AK4: variants seen among roughly 807,000 people sequenced by gnomAD.
The protein encoded by AK4 is adenylate kinase 4, mitochondrial.
A neutral mutation model predicts 24.6 loss-of-function variants in AK4; 13 were observed. The ratio of observed to expected loss-of-function variants is 0.53; its 90% CI spans 0.34 to 0.84. The LOEUF is 0.84. Among genes scored for constraint, AK4 ranks in the 40% least tolerant of loss-of-function variants. AK4 has a pLI of 0.01. For synonymous variants in AK4, 88 were observed against 107.0 expected, an observed-to-expected ratio of 0.82 and a Z score of 1.10; for missense variants, 192 against 288.2, an observed-to-expected ratio of 0.67 and a Z score of 2.42.
intron 1 of AK4, among the ~76,000 whole-genome samples, chr1:65,150,847 C>T (rs1055030721): frequency 3.9e-5 from 6 of 152,210 alleles, no homozygotes; most frequent in Non-Finnish European, 7.3e-5. Flanking sequence ...TTTCCTCCTC[C>T]TGCAGCCTGG....
rs1652508535 is a variant in AK4, at chr1:65,227,701, A to G, written c.*1524A>G. 6.7e-6 allele frequency: 1 copy of G among 149,824 alleles called. No individual in the cohort carries two copies. 9.3% of individuals were successfully genotyped at this position (149,824 alleles called of 1,614,324 possible). A position where few individuals can be genotyped will look rare whatever the true frequency, so the allele number is the denominator to read the frequency against. ...GGCGAGAAGAAAAGAAGCCTATTTT[A>G]ACACTTTAGTGGTGTTGAAACACAT... is the stretch of plus-strand genomic sequence containing the variant. On this transcript the variant is annotated 3_prime_UTR_variant, in exon 5 of 5. Coordinates refer to ENST00000327299, the MANE Select transcript of AK4 (RefSeq NM_013410.4).
intron 3 of AK4, among the ~76,000 whole-genome samples, chr1:65,222,009 A>G (rs760326116): frequency 6.6e-6 from 1 of 152,206 alleles, no homozygotes; most frequent in Non-Finnish European, 1.5e-5. Context: ...AGAGAAAGAG[A>G]AACAGCCCTC....
At chr1:65,212,676 A>G (rs897193754) in intron 2 of AK4, among the ~76,000 whole-genome samples, 1 of 152,016 alleles carries the variant, frequency 6.6e-6, no homozygotes, top group African/African-American at 2.4e-5. Flanking sequence ...TTTTGTAGAG[A>G]TGAGGTCTCA....
At chr1:65,168,013 C>T (rs1474197314) in intron 1 of AK4, among the ~76,000 whole-genome samples, 1 of 152,188 alleles carries the variant, frequency 6.6e-6, no homozygotes, top group Non-Finnish European at 1.5e-5. Flanking sequence ...GTTCTCTCTA[C>T]CATTCTTCCC....
chr1:65,215,200 T>A (rs1467654699), intron 2 of AK4, among the ~76,000 whole-genome samples: 1 of 150,698 alleles, frequency 6.6e-6, no homozygotes, highest in Non-Finnish European at 1.5e-5. Flanking sequence ...TGAGGCGGAG[T>A]CTTGCTCTGT....
intron 2 of AK4, among the ~76,000 whole-genome samples, chr1:65,194,041 T>C (rs1198886194): frequency 6.6e-6 from 1 of 152,188 alleles, no homozygotes; most frequent in Admixed American, 6.5e-5. Context: ...CAGTGAGGCA[T>C]GATCACACCA....
chr1:65,172,445 C>T (rs965850375), intron 1 of AK4, among the ~76,000 whole-genome samples: 6 of 151,972 alleles, frequency 3.9e-5, no homozygotes, highest in Admixed American at 6.6e-5. Context: ...GAAAGTGTGA[C>T]AATTTTAAAG....
chr1:65,185,907 G>T (rs1165624806), intron 1 of AK4, among the ~76,000 whole-genome samples: 1 of 151,714 alleles, frequency 6.6e-6, no homozygotes, highest in Admixed American at 6.6e-5. Flanking sequence ...GAGCTACTGT[G>T]TCTGGCCTAA....
rs370708499 is a variant in AK4 at position 65,152,450 on chromosome 1, C to T, written c.145+3898C>T. Among the ~76,000 whole-genome samples the T allele has an allele frequency of 1.3e-4, 16 of 123,134 alleles. No homozygotes were observed. The East Asian group carries it at 1.6e-3, about 12-fold the overall frequency. The allele number at this position is 123,134 out of a possible 152,430, so 80.8% of individuals were successfully genotyped here. A position where few individuals can be genotyped will look rare whatever the true frequency, so the allele number is the denominator to read the frequency against. On this transcript the variant is annotated intron_variant, in intron 1 of 4. Transcript: ENST00000327299. Reference sequence around the variant, plus strand: ...CGGAGTCTCACTCTGTCACCCAGGCCGGAGTGCAGTGGCACAGTCTCGGCT... The same window carrying T: ...CGGAGTCTCACTCTGTCACCCAGGCTGGAGTGCAGTGGCACAGTCTCGGCT...
intron 1 of AK4, among the ~76,000 whole-genome samples, chr1:65,188,774 G>A (rs1026410660): frequency 2.0e-5 from 3 of 149,248 alleles, no homozygotes; most frequent in Non-Finnish European, 4.4e-5. Context: ...CACCGCGCCT[G>A]ACCTACTTAT....
intron 2 of AK4, among the ~76,000 whole-genome samples, chr1:65,202,866 C>CTTTTTTTTT (rs34143736): frequency 1.1e-5 from 1 of 91,814 alleles, no homozygotes; most frequent in East Asian, 4.3e-4. Context: ...GCTGTGTAGT[C>CTTTTTTTTT]TTTTTTTTTT....
At chr1:65,222,353 C>T (rs1344648851) in intron 3 of AK4, among the ~76,000 whole-genome samples, 2 of 152,124 alleles carry the variant, frequency 1.3e-5, no homozygotes, top group East Asian at 1.9e-4. Flanking sequence ...GTCTGCAGCT[C>T]GACTTTACAG....
chr1:65,212,954 TA>T (rs1484856769), intron 2 of AK4, among the ~76,000 whole-genome samples: 1 of 152,204 alleles, frequency 6.6e-6, no homozygotes, highest in Non-Finnish European at 1.5e-5. Context: ...ATGTGAAGCA[TA>T]AAGGCTATGT....
At position 65,227,305 on chromosome 1, in the gene AK4, TG is replaced by T. The variant is rs1296879462; in HGVS notation, c.*1132del. The stretch of plus-strand genomic sequence containing the variant: ...TATGTGGTAAAGGGAATGGAGCCTG[TG>T]GGGTTGAGCAGAATGTTGTACTAGC... On this transcript the variant is annotated 3_prime_UTR_variant, in exon 5 of 5. Transcript: ENST00000327299. 2 of 149,304 alleles carry T rather than the reference TG, an allele frequency of 1.3e-5. No individual in the cohort carries two copies. The highest frequency in any genetic ancestry group is 3.0e-5 in the Non-Finnish European group (2 of 67,198). 9.2% of individuals were successfully genotyped at this position (149,304 alleles called of 1,614,324 possible).
rs1652626583 is a variant in AK4 at position 65,230,980 on chromosome 1, A to G, written c.*4803A>G. On this transcript the variant is annotated 3_prime_UTR_variant, in exon 5 of 5. Transcript: ENST00000327299. The stretch of plus-strand genomic sequence containing the variant: ...CATAAGGTGAGGTCCTGTTCATAGT[A>G]TGACTTGCTTTCTCAATATCTCCTT... 6.6e-6 allele frequency: 1 copy of G among 152,206 alleles called. No individual in the cohort carries two copies. The highest frequency in any genetic ancestry group is 2.4e-5 in the African/African-American group (1 of 41,456). 9.4% of individuals were successfully genotyped at this position (152,206 alleles called of 1,614,324 possible). A position where few individuals can be genotyped will look rare whatever the true frequency, so the allele number is the denominator to read the frequency against.
chr1:65,219,051 T>A, intron 3 of AK4, 125 bp downstream of exon 3: 1 of 623,432 alleles, frequency 1.6e-6, no homozygotes, highest in Non-Finnish European at 2.5e-6. Context: ...CCAAAAAACA[T>A]TTTTTAAATG....
intron 2 of AK4, among the ~76,000 whole-genome samples, chr1:65,212,482 T>TTTTTA (rs1399124241): frequency 9.9e-5 from 15 of 151,912 alleles, no homozygotes; most frequent in Admixed American, 2.6e-4. Context: ...CCCACCCAAC[T>TTTTTA]TTTTATTTTA....
chr1:65,172,921 G>C (rs1229765909), intron 1 of AK4, among the ~76,000 whole-genome samples: 1 of 132,964 alleles, frequency 7.5e-6, no homozygotes, highest in Admixed American at 8.9e-5. Flanking sequence ...GGAGTGCAAT[G>C]ACATGATCTG....
rs1439522295 is a variant in AK4, at chr1:65,148,301, G to A, written c.-107G>A. 3 of 1,433,490 alleles carry A rather than the reference G, an allele frequency of 2.1e-6. No individual in the cohort carries two copies. Among genetic ancestry groups the A allele is most frequent in the Middle Eastern group, 2.6e-4 (1 of 3,818 alleles). The allele number at this position is 1,433,490 out of a possible 1,614,324, so 88.8% of individuals were successfully genotyped here. A position where few individuals can be genotyped will look rare whatever the true frequency, so the allele number is the denominator to read the frequency against. On this transcript the variant is annotated 5_prime_UTR_variant, in exon 1 of 5. Transcript: ENST00000327299. ...AGGGGCGGCCGGCGAGTCCCAGTGAGAGCGGAGGGTGCCAGAGGTAGGGGG... is the reference window on the plus strand; with the variant it reads ...AGGGGCGGCCGGCGAGTCCCAGTGAAAGCGGAGGGTGCCAGAGGTAGGGGG...
Sources: allele counts gnomAD v4.1 joint callset (sites outside exome capture counted in the v4.1 genomes callset), GRCh38; gene constraint gnomAD v4.1.1; transcripts MANE v1.5; gene names NCBI Gene and HGNC (gene_info 2026-07-23, HGNC 2026-07-21).